PDE4B: variants seen among roughly 807,000 people sequenced by gnomAD.
PDE4B encodes the protein phosphodiesterase 4B, also known as 3',5'-cyclic-AMP phosphodiesterase 4B.
Under a neutral mutation model 82.2 loss-of-function variants are expected in PDE4B, and 20 were observed. The observed-to-expected ratio is 0.24, with a 90% CI of 0.17 to 0.35. The LOEUF (loss-of-function observed/expected upper bound fraction) is 0.35. PDE4B is among the 10% of genes least tolerant of loss of function. The probability of loss-of-function intolerance (pLI) is 1.00; values close to 1 mark genes in which losing one functional copy is unlikely to be tolerated. For missense variants in PDE4B, 655 were observed against 907.2 expected, an observed-to-expected ratio of 0.72 and a Z score of 3.57; for synonymous variants, 320 against 318.9, an observed-to-expected ratio of 1.00 and a Z score of -0.04.
At chr1:66,149,732 A>G (rs1013308379) in intron 3 of PDE4B, among the ~76,000 whole-genome samples, 3 of 152,160 alleles carry the variant, frequency 2.0e-5, no homozygotes, top group Admixed American at 2.0e-4. Flanking sequence ...ACATGCCTGT[A>G]GTCTTAGCTA....
chr1:66,364,301 A>G (rs1207825043), intron 12 of PDE4B, among the ~76,000 whole-genome samples: 1 of 152,222 alleles, frequency 6.6e-6, no homozygotes, highest in Admixed American at 6.5e-5. Flanking sequence ...TAGTAACTAA[A>G]AATCTAGAAC....
At position 65,925,598 on chromosome 1, in the gene PDE4B, T is replaced by A. The variant is rs974476229; in HGVS notation, c.281+6763T>A. 4.6e-5 allele frequency among the ~76,000 whole-genome samples: 7 copies of A among 152,178 alleles called. No homozygotes were observed. The South Asian group carries it at 1.4e-3, about 31-fold the overall frequency. On this transcript the variant is annotated intron_variant, in intron 3 of 16. Transcript: ENST00000341517. The stretch of plus-strand genomic sequence containing the variant: ...TTGTCTGTTTTTGAACTTTACATAA[T>A]GGAATCACATAATGTGTAATATTTT...
chr1:66,276,004 GC>G (rs201478388), intron 7 of PDE4B, among the ~76,000 whole-genome samples: 2,416 of 152,230 alleles, frequency 0.016, 32 homozygotes, highest in African/African-American at 0.042. Flanking sequence ...AATCTTACAG[GC>G]AGCCAGGTCA....
At chr1:66,046,695 G>A (rs1055475846) in intron 3 of PDE4B, among the ~76,000 whole-genome samples, 6 of 151,780 alleles carry the variant, frequency 4.0e-5, no homozygotes, top group Non-Finnish European at 8.8e-5. Flanking sequence ...CATGTTTTTG[G>A]CCATAAGAGT....
At chr1:66,150,015 T>C (rs192498431) in intron 3 of PDE4B, among the ~76,000 whole-genome samples, 16 of 152,298 alleles carry the variant, frequency 1.1e-4, no homozygotes, top group Admixed American at 8.5e-4. Flanking sequence ...GACTGTTCTT[T>C]CCCCATTAAA....
chr1:65,804,638 G>C (rs189855232), intron 1 of PDE4B, among the ~76,000 whole-genome samples: 103 of 152,062 alleles, frequency 6.8e-4, no homozygotes, highest in African/African-American at 2.3e-3. Context: ...GGGAATAGGG[G>C]AATTGTGGCT....
chr1:66,294,281 G>T (rs1466095025), intron 7 of PDE4B, among the ~76,000 whole-genome samples: 3 of 152,136 alleles, frequency 2.0e-5, no homozygotes, highest in African/African-American at 7.2e-5. Context: ...GTAGCTCAGA[G>T]AAGATATATC....
intron 2 of PDE4B, among the ~76,000 whole-genome samples, chr1:65,916,874 T>C (rs1490727770): frequency 6.6e-6 from 1 of 152,162 alleles, no homozygotes; most frequent in South Asian, 2.1e-4. Flanking sequence ...TTTCAAACTC[T>C]GGAAAATTTT....
Position 66,372,580 on chromosome 1 carries a change from A to G in PDE4B, c.2113A>G (p.Thr705Ala). 3.7e-6 allele frequency: 6 copies of G among 1,614,196 alleles called. No homozygotes were observed. Among genetic ancestry groups the G allele is most frequent in the Non-Finnish European group, 5.1e-6 (6 of 1,179,996 alleles). ...EGEGHSYFSSTKTLCVIDPEN... is the reference protein window; with the variant it reads ...EGEGHSYFSSAKTLCVIDPEN... The stretch of plus-strand genomic sequence containing the variant: ...AGAGGGACACAGCTATTTCAGCAGC[A>G]CAAAGACGCTTTGTGTGATTGATCC... The change falls in exon 17 of 17, where the codon ACA (threonine) becomes GCA (alanine). Residue 705 changes from threonine (T) to alanine (A), a missense_variant. Thr to Ala is a moderately conservative substitution (Grantham distance 58, BLOSUM62 0). Around this residue, in one of 3 missense-constraint regions of PDE4B, gnomAD observed 119 missense variants for 115.2 expected, o/e 1.03. Transcript: ENST00000341517.
Position 66,368,028 on chromosome 1 carries a change from GCGTTCTTCTCCTAGACAA to G in PDE4B, c.1627_1644del (p.Val543_Asn548del). ...GAAACGAAGAAAGTTACAAGTTCAGGCGTTCTTCTCCTAGACAACTATACCGATCGCATTCAGGTATTT... is the reference window on the plus strand; with the variant it reads ...GAAACGAAGAAAGTTACAAGTTCAGGCTATACCGATCGCATTCAGGTATTT... On this transcript the variant is annotated inframe_deletion, in exon 15 of 17. Transcript: ENST00000341517. 1 of 1,613,824 alleles carries G rather than the reference GCGTTCTTCTCCTAGACAA, an allele frequency of 6.2e-7. No homozygotes were observed. The highest frequency in any genetic ancestry group is 8.5e-7 in the Non-Finnish European group (1 of 1,179,840).
At chr1:66,271,161 C>T (rs565660419) in intron 7 of PDE4B, among the ~76,000 whole-genome samples, 2 of 152,324 alleles carry the variant, frequency 1.3e-5, no homozygotes, top group East Asian at 1.9e-4. Context: ...AAAGTGCAAA[C>T]GTTAAAATGT....
chr1:66,001,843 C>T (rs1161929109), intron 3 of PDE4B, among the ~76,000 whole-genome samples: 1 of 152,126 alleles, frequency 6.6e-6, no homozygotes, highest in African/African-American at 2.4e-5. Context: ...GTGCCTCAGC[C>T]TCCTGAGTAG....
intron 12 of PDE4B, among the ~76,000 whole-genome samples, chr1:66,364,150 C>A (rs1052934131): frequency 2.0e-5 from 3 of 152,048 alleles, no homozygotes; most frequent in Non-Finnish European, 4.4e-5. Flanking sequence ...CCCAATGCCA[C>A]CCTAGGTATA....
At chr1:65,849,796 C>G (rs1405720400) in intron 1 of PDE4B, among the ~76,000 whole-genome samples, 1 of 152,176 alleles carries the variant, frequency 6.6e-6, no homozygotes. Context: ...CCCCTTTTCT[C>G]TATTGTCTTT....
At chr1:66,203,230 T>C (rs950597729) in intron 3 of PDE4B, among the ~76,000 whole-genome samples, 80 of 152,322 alleles carry the variant, frequency 5.3e-4, no homozygotes, top group African/African-American at 1.7e-3. Flanking sequence ...GTTACTCTGA[T>C]GGGCTTCCCT....
At chr1:66,059,033 T>C (rs1655451899) in intron 3 of PDE4B, among the ~76,000 whole-genome samples, 1 of 152,228 alleles carries the variant, frequency 6.6e-6, no homozygotes, top group African/African-American at 2.4e-5. Context: ...GGCACACAAG[T>C]CACCTCTTGA....
intron 3 of PDE4B, among the ~76,000 whole-genome samples, chr1:65,953,594 A>G (rs532973595): frequency 6.6e-6 from 1 of 152,206 alleles, no homozygotes; most frequent in South Asian, 2.1e-4. Flanking sequence ...CCCCAGTGGG[A>G]GTGCCTTGCT....
At chr1:65,836,639 ATTTTTGTTTCAACTCCTTTACT>A (rs1387799474) in intron 1 of PDE4B, among the ~76,000 whole-genome samples, 3 of 151,668 alleles carry the variant, frequency 2.0e-5, no homozygotes, top group South Asian at 2.1e-4. Flanking sequence ...ACTCCTCTAC[ATTTTTGTTTCAACTCCTTTACT>A]TTTTTGTTTC....
intron 3 of PDE4B, among the ~76,000 whole-genome samples, chr1:65,971,085 T>A (rs942177205): frequency 2.0e-5 from 3 of 150,352 alleles, no homozygotes; most frequent in African/African-American, 7.4e-5. Context: ...AGTGACATGG[T>A]CAGGCTGTTA....
Sources: gnomAD v4.1 joint callset for allele counts (sites outside exome capture counted in the v4.1 genomes callset) on GRCh38, gnomAD v4.1.1 for gene constraint, gnomAD v4.1.1 regional missense constraint, MANE v1.5 for transcripts, NCBI Gene and HGNC (gene_info 2026-07-23, HGNC 2026-07-21) for gene names.